The following XPNPEP2 variants were observed in gnomAD, a reference collection of about 807,000 sequenced individuals.
XPNPEP2 encodes the protein X-prolyl aminopeptidase 2.
XPNPEP2 carries 64 observed loss-of-function variants against 59.8 expected under a neutral mutation model. The observed-to-expected ratio is 1.07, with a 90% CI of 0.87 to 1.32. The LOEUF (loss-of-function observed/expected upper bound fraction) is 1.32. XPNPEP2 is among the 40% of genes most tolerant of loss of function. The pLI is 0.00. For synonymous variants in XPNPEP2, 235 were observed against 210.0 expected (o/e 1.12, Z -1.03); for missense variants, 575 against 546.8 (o/e 1.05, Z -0.51).
intron 17 of XPNPEP2, among the ~76,000 whole-genome samples, 165 bp from the exon 18 acceptor site, chrX:129,761,841 G>A (rs1926661889): frequency 8.9e-6 from 1 of 111,924 alleles, no homozygotes; most frequent in Non-Finnish European, 1.9e-5. Flanking sequence ...ATAAAAGCCA[G>A]AGCCAATCTG....
rs765753343 is a variant in XPNPEP2, at chrX:129,746,722, G to A, written c.490+41G>A. 1.5e-4 allele frequency: 170 copies of A among 1,136,683 alleles called. No individual in the cohort carries two copies. In the South Asian group the frequency reaches 2.0e-3, roughly 13 times the overall value. The allele number at this position is 1,136,683 out of a possible 1,213,427, so 93.7% of individuals were successfully genotyped here. ...AGTCCCTGAATTTGTCCATGCTAAC[G>A]AGGGTGACTCAGCTTCCCTAGGATA... On this transcript the variant is annotated intron_variant, in intron 6 of 20. Coordinates refer to ENST00000371106, the MANE Select transcript of XPNPEP2 (RefSeq NM_003399.6).
At chrX:129,750,278 G>A (rs746966919) in intron 7 of XPNPEP2, among the ~76,000 whole-genome samples, 190 bp from the exon 8 acceptor site, 44 of 112,691 alleles carry the variant, frequency 3.9e-4, no homozygotes, top group Admixed American at 6.5e-4. Flanking sequence ...GGCAAAGCCA[G>A]GATTTGAGCC....
At position 129,751,640 on chromosome X, in the gene XPNPEP2, A is replaced by G. The variant is rs184499690; in HGVS notation, c.740-105A>G. Reference sequence around the variant, plus strand: ...GAAGGAAGGAAGGAAGGAAGGAAGGAAGGGAGGAAGGAAAGAAGGAAGGAA... The same window carrying G: ...GAAGGAAGGAAGGAAGGAAGGAAGGGAGGGAGGAAGGAAAGAAGGAAGGAA... On this transcript the variant is annotated intron_variant, in intron 8 of 20. Transcript: ENST00000371106. 7.2e-3 allele frequency: 3,244 copies of G among 451,581 alleles called. 83 individuals are homozygous for G. The East Asian group carries it at 0.078, about 11-fold the overall frequency. The allele number at this position is 451,581 out of a possible 1,213,427, so 37.2% of individuals were successfully genotyped here.
rs773216792 is a variant in XPNPEP2, at chrX:129,740,500, G to A, written c.49+1238G>A. Among the ~76,000 whole-genome samples the A allele has an allele frequency of 7.3e-5, 8 of 110,300 alleles. No homozygotes were observed. In the South Asian group the frequency reaches 2.7e-3, roughly 38 times the overall value. ...AAATTAGCCAGGCATGGTGGCGCAC[G>A]CTTGTAATCCCAGTTCCTCAGGGGG... On this transcript the variant is annotated intron_variant, in intron 1 of 20. Coordinates refer to ENST00000371106, the MANE Select transcript of XPNPEP2 (RefSeq NM_003399.6).
intron 15 of XPNPEP2, 119 bp from the exon 16 acceptor site, chrX:129,760,393 C>T (rs924810140): frequency 1.8e-5 from 13 of 734,781 alleles, no homozygotes; most frequent in Non-Finnish European, 2.2e-5. Flanking sequence ...AGACTCCCCC[C>T]ACCCTGCCTA....
At position 129,752,174 on chromosome X, in the gene XPNPEP2, T is replaced by C. The variant is rs140648206; in HGVS notation, c.846T>C (p.Phe282=). Residue 282 remains phenylalanine (F), a synonymous_variant, in exon 10 of 21, where the codon TTT becomes TTC. Coordinates refer to ENST00000371106, the MANE Select transcript of XPNPEP2 (RefSeq NM_003399.6). The stretch of plus-strand genomic sequence containing the variant: ...GGTTGTTTGCAAACAAGAGTCGCTT[T>C]AGCTCCGAAACCTTGAGCTATCTGA... The part of the protein sequence containing the change: ...SIRLFANKSR[F]SSETLSYLNS... The C allele has an allele frequency of 2.0e-4, 239 of 1,209,931 alleles. 1 individual carries two copies. The African/African-American group carries it at 2.8e-3, about 14-fold the overall frequency.
intron 7 of XPNPEP2, among the ~76,000 whole-genome samples, chrX:129,748,864 C>T (rs1190462421): frequency 9.0e-6 from 1 of 111,226 alleles, no homozygotes. Context: ...AGTCATCACC[C>T]GCTGCCAGTC....
chrX:129,739,723 A>C (rs1926139048), intron 1 of XPNPEP2, among the ~76,000 whole-genome samples: 1 of 112,076 alleles, frequency 8.9e-6, no homozygotes, highest in Non-Finnish European at 1.9e-5. Context: ...TCAGATATCA[A>C]GGGTGTCTAA....
Position 129,752,756 on chromosome X carries a change from T to C in XPNPEP2, c.1018-403T>C, listed in dbSNP as rs149645602. Among the ~76,000 whole-genome samples, 586 of 112,156 alleles carry C rather than the reference T, an allele frequency of 5.2e-3. 2 individuals are homozygous for C. Among genetic ancestry groups the C allele is most frequent in the African/African-American group, 0.018 (563 of 30,841 alleles). ...CTCAGTGGAGATCTAAAGGAGATAG[T>C]GTATATGACTGACACATGGTAGTGT... On this transcript the variant is annotated intron_variant, in intron 10 of 20. Coordinates refer to ENST00000371106, the MANE Select transcript of XPNPEP2 (RefSeq NM_003399.6).
intron 20 of XPNPEP2, 89 bp from the exon 21 acceptor site, chrX:129,768,202 A>G: frequency 1.1e-6 from 1 of 923,859 alleles, no homozygotes. Context: ...TGACAGCTGG[A>G]GTACCACAAC....
chrX:129,768,861 C>G lies in XPNPEP2; in HGVS notation c.*376C>G. The G allele has an allele frequency of 7.7e-6, 1 of 130,234 alleles. No homozygotes were observed. Among genetic ancestry groups the G allele is most frequent in the Non-Finnish European group, 1.5e-5 (1 of 64,696 alleles). The allele number at this position is 130,234 out of a possible 1,213,427, so 10.7% of individuals were successfully genotyped here. Reference sequence around the variant, plus strand: ...ACAAAACCCCAAGAGAGCAATGCCCCTACCACCCAAGGGTGCCATGGTCCC... The same window carrying G: ...ACAAAACCCCAAGAGAGCAATGCCCGTACCACCCAAGGGTGCCATGGTCCC... On this transcript the variant is annotated 3_prime_UTR_variant, in exon 21 of 21. Coordinates refer to ENST00000371106, the MANE Select transcript of XPNPEP2 (RefSeq NM_003399.6).
At chrX:129,751,718 A>T (rs1926422156) in intron 8 of XPNPEP2, 27 bp from the exon 9 acceptor site, 1 of 1,183,302 alleles carries the variant, frequency 8.5e-7, no homozygotes, top group Non-Finnish European at 1.1e-6. Context: ...ATCAGCATTA[A>T]ATATTCCTTG....
At chrX:129,753,284 A>T (rs780144281) in intron 11 of XPNPEP2, 36 bp downstream of exon 11, 9 of 1,149,038 alleles carry the variant, frequency 7.8e-6, no homozygotes, top group Non-Finnish European at 9.5e-6. Context: ...GCCTTTTGGG[A>T]GTATCCAGCC....
Position 129,742,179 on chromosome X carries a change from C to T in XPNPEP2, c.121C>T (p.Pro41Ser), listed in dbSNP as rs147873278. 34 of 1,177,862 alleles carry T rather than the reference C, an allele frequency of 2.9e-5. No homozygotes were observed. The highest frequency in any genetic ancestry group is 3.4e-5 in the Non-Finnish European group (30 of 874,060). Residue 41 changes from proline to serine, a missense_variant and splice_region_variant, in exon 2 of 21, where the codon CCT becomes TCT. Coordinates refer to ENST00000371106, the MANE Select transcript of XPNPEP2 (RefSeq NM_003399.6). ...QDVRNCSTNP[P>S]YLPVTVVNTT... ...TGTGAGAAACTGTTCCACCAACCCC[C>T]CTGTGAGTGCCCCCTGCCCCCCGCG...
At chrX:129,757,073 T>TACACACACACAC (rs752092311) in intron 14 of XPNPEP2, among the ~76,000 whole-genome samples, 16 of 83,686 alleles carry the variant, frequency 1.9e-4, no homozygotes, top group African/African-American at 6.2e-4. Context: ...TACACACACA[T>TACACACACACAC]ACACACACAC....
At chrX:129,747,871 C>T (rs1926330241) in intron 7 of XPNPEP2, 118 bp downstream of exon 7, 2 of 1,046,552 alleles carry the variant, frequency 1.9e-6, no homozygotes, top group Admixed American at 2.2e-5. Context: ...CAAACCTTAG[C>T]ATGCACCTGA....
At chrX:129,757,093 T>C (rs183051605) in intron 14 of XPNPEP2, among the ~76,000 whole-genome samples, 880 of 87,845 alleles carry the variant, frequency 0.01, 7 homozygotes, top group Middle Eastern at 0.082. Flanking sequence ...CACACACACA[T>C]ATATATATAT....
chrX:129,763,357 G>T (rs1926691271), intron 19 of XPNPEP2, among the ~76,000 whole-genome samples: 1 of 112,283 alleles, frequency 8.9e-6, no homozygotes, highest in Non-Finnish European at 1.9e-5. Flanking sequence ...TGCGAAGATA[G>T]CTAGGAAAAT....
Position 129,739,200 on chromosome X carries a change from C to T in XPNPEP2, c.-14C>T, listed in dbSNP as rs752660755. The stretch of plus-strand genomic sequence containing the variant: ...TGTCCCTCCATCCACCCAGCGCCGG[C>T]ATCTGGAGACCCTATGGCCCGGGCT... On this transcript the variant is annotated 5_prime_UTR_variant, in exon 1 of 21. Coordinates refer to ENST00000371106, the MANE Select transcript of XPNPEP2 (RefSeq NM_003399.6). 1.7e-6 allele frequency: 2 copies of T among 1,205,826 alleles called. No individual in the cohort carries two copies. Among genetic ancestry groups the T allele is most frequent in the Non-Finnish European group, 2.2e-6 (2 of 894,144 alleles).
Sources: allele counts gnomAD v4.1 joint callset (sites outside exome capture counted in the v4.1 genomes callset), GRCh38; gene constraint gnomAD v4.1.1; transcripts MANE v1.5; gene names NCBI Gene and HGNC (gene_info 2026-07-23, HGNC 2026-07-21).